Variants in NAALADL2 observed in about 807,000 individuals in gnomAD.
NAALADL2 encodes inactive N-acetylated-alpha-linked acidic dipeptidase-like protein 2.
In NAALADL2, 76 loss-of-function variants were observed where a neutral mutation model predicts 87.2. The observed-to-expected ratio is 0.87, with a 90% confidence interval of 0.72 to 1.05. The LOEUF is 1.05. NAALADL2 is among the 50% of genes least tolerant of loss of function. NAALADL2 has a pLI of 0.00. For synonymous variants in NAALADL2, 354 were observed against 331.0 expected (o/e 1.07, Z -0.75); for missense variants, 1,089 against 945.8 (o/e 1.15, Z -1.99).
At chr3:175,538,219 A>G (rs1711613033) in intron 9 of NAALADL2, among the ~76,000 whole-genome samples, 1 of 152,152 alleles carries the variant, frequency 6.6e-6, no homozygotes, top group African/African-American at 2.4e-5. Flanking sequence ...TTCATTTCAT[A>G]TGATAGGTAT....
rs1485773078 is a variant in NAALADL2, at chr3:174,970,295, AAAATCTATGT to A, written c.43+110860_43+110869del. On this transcript the variant is annotated intron_variant, in intron 1 of 13. Coordinates refer to ENST00000454872, the MANE Select transcript of NAALADL2 (RefSeq NM_207015.3). ...CAAATAAATACATACATGTGAAAAT[AAAATCTATGT>A]AAATCTATGTAAATGGATGGTTATA... Among the ~76,000 whole-genome samples, 3 of 152,326 alleles carry A rather than the reference AAAATCTATGT, an allele frequency of 2.0e-5. No homozygotes were observed. In the South Asian group the frequency reaches 6.2e-4, roughly 32 times the overall value.
At chr3:174,668,792 G>A (rs2108796604) in intron 2 of NAALADL2, among the ~76,000 whole-genome samples, 1 of 152,282 alleles carries the variant, frequency 6.6e-6, no homozygotes, top group Middle Eastern at 3.4e-3. Context: ...TGGTGTATAT[G>A]TGCCACATTT....
At chr3:175,596,665 C>A (rs568827106) in intron 10 of NAALADL2, among the ~76,000 whole-genome samples, 136 of 151,908 alleles carry the variant, frequency 9.0e-4, no homozygotes, top group African/African-American at 2.9e-3. Flanking sequence ...CTAATATTAT[C>A]AATTTGTTTT....
intron 2 of NAALADL2, among the ~76,000 whole-genome samples, chr3:175,182,150 A>AT (rs1035496126): frequency 6.6e-6 from 1 of 151,944 alleles, no homozygotes; most frequent in African/African-American, 2.4e-5. Context: ...ATGATTAGTG[A>AT]TATTGAGAAT....
Position 175,806,381 on chromosome 3 carries a change from TGAAATTTAGAAA to T in NAALADL2, c.*3181_*3192del, listed in dbSNP as rs1754701224. 6.6e-6 allele frequency: 1 copy of T among 151,928 alleles called. No homozygotes were observed. Among genetic ancestry groups the T allele is most frequent in the Non-Finnish European group, 1.5e-5 (1 of 67,902 alleles). 9.4% of individuals were successfully genotyped at this position (151,928 alleles called of 1,614,324 possible). The stretch of plus-strand genomic sequence containing the variant: ...ATCTAAATCACCGTTTCTCAAAATG[TGAAATTTAGAAA>T]GACAGGGCTAGGAATCTACATCTTC... On this transcript the variant is annotated 3_prime_UTR_variant, in exon 14 of 14. Transcript: ENST00000454872.
chr3:175,033,189 A>G (rs1304771298), intron 1 of NAALADL2, among the ~76,000 whole-genome samples: 2 of 151,824 alleles, frequency 1.3e-5, no homozygotes, highest in African/African-American at 4.8e-5. Flanking sequence ...ATGATATTTG[A>G]TGGTTTCCAT....
chr3:174,987,160 A>G (rs1430343988), intron 1 of NAALADL2, among the ~76,000 whole-genome samples: 1 of 152,196 alleles, frequency 6.6e-6, no homozygotes, highest in African/African-American at 2.4e-5. Flanking sequence ...TAGGGTTTAA[A>G]GGATATCTGT....
At chr3:175,802,294 T>A (rs1423227518) in intron 13 of NAALADL2, among the ~76,000 whole-genome samples, 1 of 150,632 alleles carries the variant, frequency 6.6e-6, no homozygotes, top group African/African-American at 2.4e-5. Flanking sequence ...AATACAAGTC[T>A]AGTAAGGTCT....
intron 4 of NAALADL2, among the ~76,000 whole-genome samples, chr3:175,271,922 T>C (rs1752902003): frequency 6.6e-6 from 1 of 152,236 alleles, no homozygotes; most frequent in Non-Finnish European, 1.5e-5. Flanking sequence ...TGGCTGTCCC[T>C]GTCTGTTTTT....
At chr3:175,454,820 A>G (rs1256331946) in intron 6 of NAALADL2, among the ~76,000 whole-genome samples, 7 of 152,000 alleles carry the variant, frequency 4.6e-5, no homozygotes, top group Non-Finnish European at 8.8e-5. Flanking sequence ...CCATCCATTT[A>G]TTTCCTGGCA....
intron 13 of NAALADL2, among the ~76,000 whole-genome samples, chr3:175,775,683 T>G (rs772062746): frequency 2.5e-4 from 38 of 152,076 alleles, no homozygotes; most frequent in Non-Finnish European, 2.1e-4. Context: ...AAGTCTGTGA[T>G]CATGGATGAA....
intron 3 of NAALADL2, among the ~76,000 whole-genome samples, chr3:174,779,481 A>C (rs2109140952): frequency 6.6e-6 from 1 of 152,272 alleles, no homozygotes; most frequent in African/African-American, 2.4e-5. Context: ...CAGTTTAATT[A>C]GATCCCATTT....
At chr3:174,870,630 G>T (rs3915008) in intron 1 of NAALADL2, among the ~76,000 whole-genome samples, 141,304 of 152,018 alleles carry the variant, frequency 0.93, 65,801 homozygotes, top group East Asian at 1. Context: ...TAAATGCCAC[G>T]AAGGGACAGA....
intron 1 of NAALADL2, among the ~76,000 whole-genome samples, chr3:174,483,227 TACAAAG>T (rs961507379): frequency 2.0e-5 from 3 of 152,012 alleles, no homozygotes; most frequent in African/African-American, 7.2e-5. Flanking sequence ...CGGGGTAACT[TACAAAG>T]GAAAGAGGCT....
At chr3:174,759,533 G>A (rs1288852763) in intron 3 of NAALADL2, among the ~76,000 whole-genome samples, 2 of 152,246 alleles carry the variant, frequency 1.3e-5, no homozygotes, top group East Asian at 1.9e-4. Context: ...GTAGAAGCAG[G>A]AATTATTTGT....
intron 3 of NAALADL2, among the ~76,000 whole-genome samples, chr3:174,777,557 T>C (rs1715364109): frequency 6.6e-6 from 1 of 152,088 alleles, no homozygotes; most frequent in Non-Finnish European, 1.5e-5. Context: ...TAAACAAAAG[T>C]ACATATCTTG....
chr3:175,140,687 A>G (rs985162086), intron 2 of NAALADL2, among the ~76,000 whole-genome samples: 1 of 152,168 alleles, frequency 6.6e-6, no homozygotes, highest in Non-Finnish European at 1.5e-5. Context: ...AGGGAGTGAC[A>G]TAACGGAGAA....
At chr3:174,599,716 A>G (rs1055563855) in intron 2 of NAALADL2, among the ~76,000 whole-genome samples, 10 of 152,118 alleles carry the variant, frequency 6.6e-5, no homozygotes, top group Non-Finnish European at 1.5e-4. Context: ...GCATTGTATT[A>G]AACTCTTGTG....
chr3:175,092,584 A>G (rs936681068), intron 1 of NAALADL2, among the ~76,000 whole-genome samples: 1 of 151,846 alleles, frequency 6.6e-6, no homozygotes, highest in Non-Finnish European at 1.5e-5. Context: ...TTATTTCCAT[A>G]TAATTTACTT....
Sources: allele counts gnomAD v4.1 joint callset (sites outside exome capture counted in the v4.1 genomes callset), GRCh38; gene constraint gnomAD v4.1.1; transcripts MANE v1.5; gene names NCBI Gene and HGNC (gene_info 2026-07-23, HGNC 2026-07-21).